Variants in GUCY2D observed in about 807,000 individuals in gnomAD.
GUCY2D encodes retinal guanylyl cyclase 1.
A neutral mutation model predicts 101.3 loss-of-function variants in GUCY2D; 70 were observed. That is an observed-to-expected ratio of 0.69 (90% CI 0.57 to 0.84). The LOEUF (loss-of-function observed/expected upper bound fraction) is 0.84. GUCY2D is among the 40% of genes least tolerant of loss of function. The pLI is 0.00. For synonymous variants in GUCY2D, 688 were observed against 670.7 expected (o/e 1.03, Z -0.40); for missense variants, 1,460 against 1,542.5 (o/e 0.95, Z 0.90).
rs375468242 is a variant in GUCY2D, at chr17:8,006,610, G to C, written c.1274G>C (p.Gly425Ala). Residue 425 changes from glycine to alanine, a missense_variant, in exon 4 of 20, where the codon GGC becomes GCC. Coordinates refer to ENST00000254854, the MANE Select transcript of GUCY2D (RefSeq NM_000180.4). Reference protein sequence around the residue: ...FATYMLDPARGSFLSAGTRMH... With the variant: ...FATYMLDPARASFLSAGTRMH... ...ACATACATGCTGGATCCTGCCCGGG[G>C]CTCCTTCCTCTCCGCCGGTACCCGG... 7.3e-5 allele frequency: 118 copies of C among 1,612,956 alleles called. No homozygotes were observed. The highest frequency in any genetic ancestry group is 9.6e-5 in the Non-Finnish European group (113 of 1,179,768).
intron 8 of GUCY2D, among the ~76,000 whole-genome samples, chr17:8,010,216 G>A (rs1207880073): frequency 2.6e-5 from 4 of 152,170 alleles, no homozygotes; most frequent in Non-Finnish European, 5.9e-5. Flanking sequence ...GAGACCCAGT[G>A]AATGTTTGTT....
chr17:8,016,072 C>G, intron 17 of GUCY2D, 51 bp downstream of exon 17: 2 of 1,489,952 alleles, frequency 1.3e-6, no homozygotes, highest in Non-Finnish European at 1.8e-6. Context: ...TCCTGAGGCA[C>G]CGCCCATCCC....
In GUCY2D at chr17:8,006,731, C is replaced by T. The variant is rs1975751792; in HGVS notation, c.1378+17C>T. 3 of 1,568,774 alleles carry T rather than the reference C, an allele frequency of 1.9e-6. No homozygotes were observed. The highest frequency in any genetic ancestry group is 1.8e-5 in the Admixed American group (1 of 56,986). ...GCGGTGGAGGTGAGGGCGAGCACCC[C>T]AGTCCCCACTGAGACAATCGCCATG... On this transcript the variant is annotated intron_variant, in intron 4 of 19. Coordinates refer to ENST00000254854, the MANE Select transcript of GUCY2D (RefSeq NM_000180.4).
chr17:8,006,294 G>A, intron 3 of GUCY2D, 69 bp from the exon 4 acceptor site: 1 of 1,185,374 alleles, frequency 8.4e-7, no homozygotes, highest in Non-Finnish European at 1.2e-6. Flanking sequence ...GGCTTGACAG[G>A]CAGTGAAAGA....
Position 8,007,114 on chromosome 17 carries a change from T to C in GUCY2D, c.1433T>C (p.Leu478Pro), listed in dbSNP as rs766944930. The C allele has an allele frequency of 1.7e-5, 27 of 1,613,888 alleles. No homozygotes were observed. The Admixed American group carries it at 4.3e-4, about 26-fold the overall frequency. The change falls in exon 5 of 20, where the codon CTG becomes CCG. Residue 478 changes from leucine (L) to proline (P), a missense_variant. By Grantham distance (98) the Leu-to-Pro change is moderately conservative. Around this residue, in one of 3 missense-constraint regions of GUCY2D, gnomAD observed 1,196 missense variants for 1,229.6 expected, o/e 0.97. Transcript: ENST00000254854. Reference protein sequence around the residue: ...LGFLLVVGMGLAGAFLAHYVR... With the variant: ...LGFLLVVGMGPAGAFLAHYVR... ...TTCCTCCTGGTGGTTGGGATGGGGC[T>C]GGCTGGGGCCTTCCTGGCCCATTAT...
Position 8,003,226 on chromosome 17 carries a change from GC to G in GUCY2D, c.183del (p.Trp62GlyfsTer23). 1 of 1,518,882 alleles carries G rather than the reference GC, an allele frequency of 6.6e-7. No individual in the cohort carries two copies. The highest frequency in any genetic ancestry group is 8.8e-7 in the Non-Finnish European group (1 of 1,138,474). 94.1% of individuals were successfully genotyped at this position (1,518,882 alleles called of 1,614,324 possible). On this transcript the variant is annotated frameshift_variant, in exon 2 of 20. Transcript: ENST00000254854. LOFTEE classifies it high-confidence loss of function. The part of the protein sequence containing the change: ...LSAVFTVGVL[G>X]PWACDPIFSR... Reference sequence around the variant, plus strand: ...GCCGTGTTCACGGTGGGGGTCCTGGGCCCCTGGGCTTGCGACCCCATCTTCT... The same window carrying G: ...GCCGTGTTCACGGTGGGGGTCCTGGGCCCTGGGCTTGCGACCCCATCTTCT...
intron 15 of GUCY2D, 92 bp downstream of exon 15, chr17:8,015,594 G>C: frequency 7.8e-7 from 1 of 1,280,672 alleles, no homozygotes; most frequent in Non-Finnish European, 1.1e-6. Flanking sequence ...ATGGAGCGGG[G>C]AGTGGGGCTT....
rs925960140 is a variant in GUCY2D at position 8,016,782 on chromosome 17, C to T, written c.*24+228C>T. On this transcript the variant is annotated intron_variant, in intron 19 of 19. Coordinates refer to ENST00000254854, the MANE Select transcript of GUCY2D (RefSeq NM_000180.4). ...TAGGAAACTCCGTAATCGGGGCCTTCTGTGGCCCCTCCCCTGGCCCTATCT... is the reference window on the plus strand; with the variant it reads ...TAGGAAACTCCGTAATCGGGGCCTTTTGTGGCCCCTCCCCTGGCCCTATCT... 57 of 548,650 alleles carry T rather than the reference C, an allele frequency of 1.0e-4. 2 individuals are homozygous for T. The South Asian group carries it at 1.2e-3, about 12-fold the overall frequency. 34.0% of individuals were successfully genotyped at this position (548,650 alleles called of 1,614,324 possible). A position where few individuals can be genotyped will look rare whatever the true frequency, so the allele number is the denominator to read the frequency against.
rs982706107 is a variant in GUCY2D, at chr17:8,016,660, A to C, written c.*24+106A>C. ...GATCCCTTTCTGACTTAGAGAGCCCAGGCTGGTTCCTAAACCCCGGGGCTT... is the reference window on the plus strand; with the variant it reads ...GATCCCTTTCTGACTTAGAGAGCCCCGGCTGGTTCCTAAACCCCGGGGCTT... On this transcript the variant is annotated intron_variant, in intron 19 of 19. Transcript: ENST00000254854. The C allele has an allele frequency of 5.3e-5, 34 of 636,832 alleles. No homozygotes were observed. In the East Asian group the frequency reaches 6.9e-4, roughly 13 times the overall value. The allele number at this position is 636,832 out of a possible 1,614,324, so 39.4% of individuals were successfully genotyped here.
Position 8,006,533 on chromosome 17 carries a change from G to A in GUCY2D, c.1197G>A (p.Glu399=). ...GCGGGGACCTAGGAGGAGACGAGGA[G>A]CCCCCATTCGTGCTGCTAGACACGG... ...GFCGDLGGDE[E]PPFVLLDTDA... The change falls in exon 4 of 20, where the codon GAG becomes GAA. Residue 399 remains glutamate, a synonymous_variant. Coordinates refer to ENST00000254854, the MANE Select transcript of GUCY2D (RefSeq NM_000180.4). 1.2e-6 allele frequency: 2 copies of A among 1,611,860 alleles called. No individual in the cohort carries two copies. The highest frequency in any genetic ancestry group is 1.7e-6 in the Non-Finnish European group (2 of 1,180,014).
rs147166962 is a variant in GUCY2D, at chr17:8,012,490, G to A, written c.1997G>A (p.Arg666Gln). 199 of 1,613,954 alleles carry A rather than the reference G, an allele frequency of 1.2e-4. No homozygotes were observed. Among genetic ancestry groups the A allele is most frequent in the Non-Finnish European group, 1.5e-4 (182 of 1,179,984 alleles). ...CACCATCGAGGCGTGGCTCATGGGCGGCTGAAGTCACGGAACTGCATAGTG... is the reference window on the plus strand; with the variant it reads ...CACCATCGAGGCGTGGCTCATGGGCAGCTGAAGTCACGGAACTGCATAGTG... ...YLHHRGVAHGRLKSRNCIVDG... is the reference protein window; with the variant it reads ...YLHHRGVAHGQLKSRNCIVDG... Residue 666 changes from arginine to glutamine, a missense_variant, in exon 10 of 20, where the codon CGG (arginine) becomes CAG (glutamine). Around this residue, in one of 3 missense-constraint regions of GUCY2D, gnomAD observed 1,196 missense variants for 1,229.6 expected, o/e 0.97. Transcript: ENST00000254854.
At position 8,003,554 on chromosome 17, in the gene GUCY2D, G is replaced by A; in HGVS notation, c.507G>A (p.Ala169=). 2 of 1,569,918 alleles carry A rather than the reference G, an allele frequency of 1.3e-6. No individual in the cohort carries two copies. Among genetic ancestry groups the A allele is most frequent in the East Asian group, 2.3e-5 (1 of 43,046 alleles). The change falls in exon 2 of 20, where the codon GCG becomes GCA. Residue 169 remains alanine (A), a synonymous_variant. Transcript: ENST00000254854. ...GTTAPAVTPA[A]DALYALLRAF... is the part of the protein sequence containing the mutation. ...CGGCCCCTGCCGTGACCCCCGCCGCGGATGCCCTCTACGCCCTGCTTCGCG... is the reference window on the plus strand; with the variant it reads ...CGGCCCCTGCCGTGACCCCCGCCGCAGATGCCCTCTACGCCCTGCTTCGCG...
Position 8,006,349 on chromosome 17 carries a change from C to T in GUCY2D, c.1027-14C>T, listed in dbSNP as rs1476634006. The T allele has an allele frequency of 1.9e-6, 3 of 1,593,716 alleles. No individual in the cohort carries two copies. The highest frequency in any genetic ancestry group is 1.7e-6 in the Non-Finnish European group (2 of 1,174,400). On this transcript the variant is annotated splice_polypyrimidine_tract_variant and intron_variant, in intron 3 of 19. Coordinates refer to ENST00000254854, the MANE Select transcript of GUCY2D (RefSeq NM_000180.4). ...TGTGACCCCGACCTCTGAGCCCCTACTCTCCTTCTCCAGGTCTCCCCACTC... is the reference window on the plus strand; with the variant it reads ...TGTGACCCCGACCTCTGAGCCCCTATTCTCCTTCTCCAGGTCTCCCCACTC...
In GUCY2D at chr17:8,015,494, T is replaced by C. The variant is rs1555635874; in HGVS notation, c.2936T>C (p.Leu979Pro). The C allele has an allele frequency of 6.2e-7, 1 of 1,611,414 alleles. No homozygotes were observed. Among genetic ancestry groups the C allele is most frequent in the Non-Finnish European group, 8.5e-7 (1 of 1,179,348 alleles). The change falls in exon 15 of 20, where the codon CTG becomes CCG. Residue 979 changes from leucine (L) to proline (P), a missense_variant. Physicochemically the swap from Leu to Pro is moderately conservative, Grantham distance 98. Transcript: ENST00000254854. ...PEVPVRIRIG[L>P]HSGPCVAGVV... ...GTTCCCGTGCGCATCCGCATAGGCC[T>C]GCACTCGGGTAACTCCCGGGTCTTC... is the stretch of plus-strand genomic sequence containing the variant.
At chr17:8,020,098 T>C (rs1598153556) in intron 19 of GUCY2D, 30 bp from the exon 20 acceptor site, 1 of 147,148 alleles carries the variant, frequency 6.8e-6, no homozygotes, top group South Asian at 2.3e-4. Context: ...CCTTTTTTTT[T>C]TTTTTTTTTT....
In GUCY2D at chr17:8,016,007, C is replaced by G; in HGVS notation, c.3124C>G (p.Arg1042Gly). Residue 1042 changes from arginine to glycine, a missense_variant, in exon 17 of 20, where the codon CGC (arginine) becomes GGC (glycine). Transcript: ENST00000254854. ...GGGCTACCAGGTGGAGCTGCGAGGC[C>G]GCACGGAGCTGAAGGTGAGGCAGGG... ...DSGYQVELRG[R>G]TELKGKGAED... The G allele has an allele frequency of 6.2e-7, 1 of 1,608,366 alleles. No homozygotes were observed.
At chr17:8,010,602 C>T (rs1033029470) in intron 8 of GUCY2D, among the ~76,000 whole-genome samples, 1 of 151,636 alleles carries the variant, frequency 6.6e-6, no homozygotes, top group Non-Finnish European at 1.5e-5. Context: ...GTCAGGAGAT[C>T]GAGACCATCC....
chr17:8,006,623 CGCCGGTACCCGGATGCACT>C lies in GUCY2D; in HGVS notation c.1288_1306del (p.Ala430SerfsTer52). On this transcript the variant is annotated frameshift_variant, in exon 4 of 20. Transcript: ENST00000254854. LOFTEE classifies it high-confidence loss of function. ...ATCCTGCCCGGGGCTCCTTCCTCTC[CGCCGGTACCCGGATGCACT>C]TCCCGCGTGGGGGATCAGCACCCGG... is the stretch of plus-strand genomic sequence containing the variant. The C allele has an allele frequency of 3.1e-6, 5 of 1,612,802 alleles. No individual in the cohort carries two copies. The highest frequency in any genetic ancestry group is 4.2e-6 in the Non-Finnish European group (5 of 1,179,602).
intron 8 of GUCY2D, among the ~76,000 whole-genome samples, chr17:8,010,000 C>T (rs1975819039): frequency 6.6e-6 from 1 of 151,476 alleles, no homozygotes; most frequent in South Asian, 2.1e-4. Flanking sequence ...AAAAAAAAAA[C>T]ATGTTTCCTC....
Sources: gnomAD v4.1 joint callset for allele counts (sites outside exome capture counted in the v4.1 genomes callset) on GRCh38, gnomAD v4.1.1 for gene constraint, gnomAD v4.1.1 regional missense constraint, MANE v1.5 for transcripts, NCBI Gene and HGNC (gene_info 2026-07-23, HGNC 2026-07-21) for gene names.